Variants in AR observed in about 807,000 individuals in gnomAD.
AR encodes the protein dihydrotestosterone receptor.
AR carries 8 observed loss-of-function variants against 53.9 expected under a neutral mutation model. The observed-to-expected ratio is 0.15, with a 90% CI of 0.09 to 0.27. The LOEUF (loss-of-function observed/expected upper bound fraction) is 0.27. Ranked by LOEUF, AR falls within the 10% of genes least tolerant of loss-of-function variation. The probability of loss-of-function intolerance (pLI) is 1.00; values close to 1 mark genes in which losing one functional copy is unlikely to be tolerated. For synonymous variants in AR, 359 were observed against 316.4 expected (o/e 1.13, Z -1.43); for missense variants, 639 against 742.5 (o/e 0.86, Z 1.62).
intron 1 of AR, among the ~76,000 whole-genome samples, chrX:67,560,288 TC>T (rs1921239037): frequency 9.0e-6 from 1 of 111,149 alleles, no homozygotes; most frequent in Non-Finnish European, 1.9e-5. Flanking sequence ...TCATTCCTTC[TC>T]CCCCCAGTTC....
chrX:67,683,694 A>G (rs1053900003), intron 2 of AR, among the ~76,000 whole-genome samples: 3 of 112,447 alleles, frequency 2.7e-5, no homozygotes, highest in Non-Finnish European at 3.8e-5. Flanking sequence ...GGCCTTGCAC[A>G]TAATAGATTA....
intron 1 of AR, among the ~76,000 whole-genome samples, chrX:67,555,981 G>T (rs1921034356): frequency 8.9e-6 from 1 of 112,323 alleles, no homozygotes; most frequent in Admixed American, 9.4e-5. Flanking sequence ...GCATTTTTTA[G>T]TAATATTTTG....
intron 2 of AR, chrX:67,680,917 G>A: frequency 3.9e-6 from 1 of 253,714 alleles, no homozygotes; most frequent in Non-Finnish European, 7.5e-6. Context: ...TATGAAGAAA[G>A]ACACAGAGCA....
chrX:67,644,006 G>A (rs1334206700), intron 2 of AR, among the ~76,000 whole-genome samples: 1 of 112,039 alleles, frequency 8.9e-6, no homozygotes, highest in Admixed American at 9.5e-5. Context: ...CCTCTCCAGA[G>A]ACCTGATCTC....
intron 1 of AR, among the ~76,000 whole-genome samples, chrX:67,607,385 T>C (rs1923681667): frequency 3.6e-5 from 4 of 112,065 alleles, no homozygotes; most frequent in Admixed American, 1.9e-4. Flanking sequence ...GTCCAGGCCC[T>C]GCTGCTACTA....
chrX:67,721,120 C>T (rs922914397), intron 5 of AR, among the ~76,000 whole-genome samples: 4 of 111,732 alleles, frequency 3.6e-5, no homozygotes, highest in African/African-American at 1.3e-4. Context: ...CATATGTCTA[C>T]AGTTTCCAAA....
At position 67,546,701 on chromosome X, in the gene AR, T is replaced by A. The variant is rs970218775; in HGVS notation, c.1555T>A (p.Cys519Ser). ...CAGAGTGCCCTATCCCAGTCCCACT[T>A]GTGTCAAAAGCGAAATGGGCCCCTG... Reference protein sequence around the residue: ...VSRVPYPSPTCVKSEMGPWMD... With the variant: ...VSRVPYPSPTSVKSEMGPWMD... The change falls in exon 1 of 8, where the codon TGT becomes AGT. Residue 519 changes from cysteine to serine, a missense_variant. By Grantham distance (112) the Cys-to-Ser change is moderately radical. Coordinates refer to ENST00000374690, the MANE Select transcript of AR (RefSeq NM_000044.6). 2 of 1,206,498 alleles carry A rather than the reference T, an allele frequency of 1.7e-6. No homozygotes were observed. The highest frequency in any genetic ancestry group is 3.5e-5 in the African/African-American group (2 of 56,880).
intron 2 of AR, among the ~76,000 whole-genome samples, chrX:67,671,880 T>C (rs2075867590): frequency 8.9e-6 from 1 of 111,809 alleles, no homozygotes; most frequent in South Asian, 3.7e-4. Context: ...TTTGTTTTTG[T>C]CAAGTTTGTC....
At chrX:67,645,848 G>A (rs1170149189) in intron 2 of AR, among the ~76,000 whole-genome samples, 1 of 111,340 alleles carries the variant, frequency 9.0e-6, no homozygotes, top group Admixed American at 9.6e-5. Flanking sequence ...CATTATCCCT[G>A]TTTGAAGGCA....
chrX:67,648,500 A>AT (rs1217648383), intron 2 of AR, among the ~76,000 whole-genome samples: 2 of 111,525 alleles, frequency 1.8e-5, no homozygotes, highest in African/African-American at 6.5e-5. Context: ...GATCTGCCAT[A>AT]TATTACCTCA....
chrX:67,699,036 C>T (rs1463952015), intron 3 of AR, among the ~76,000 whole-genome samples: 1 of 111,828 alleles, frequency 8.9e-6, no homozygotes, highest in Non-Finnish European at 1.9e-5. Flanking sequence ...TTAACGGAGC[C>T]GGGATTTGAA....
chrX:67,668,165 G>T (rs1037525955), intron 2 of AR, among the ~76,000 whole-genome samples: 3 of 111,716 alleles, frequency 2.7e-5, no homozygotes, highest in African/African-American at 9.8e-5. Flanking sequence ...AAGGCCTTCA[G>T]TTTTTCTGAA....
chrX:67,626,613 TA>T (rs1211426456), intron 1 of AR, among the ~76,000 whole-genome samples: 2 of 28,120 alleles, frequency 7.1e-5, no homozygotes, highest in East Asian at 1.9e-3. Context: ...ACTAATTTTA[TA>T]TATATATATA....
intron 4 of AR, 83 bp from the exon 5 acceptor site, chrX:67,717,395 G>A (rs2147530239): frequency 3.5e-6 from 4 of 1,153,961 alleles, no homozygotes; most frequent in South Asian, 3.7e-5. Context: ...GAATACCAGA[G>A]CATCTCTGCC....
intron 7 of AR, among the ~76,000 whole-genome samples, 180 bp from the exon 8 acceptor site, chrX:67,723,506 C>G (rs893262869): frequency 1.6e-5 from 1 of 64,286 alleles, no homozygotes; most frequent in Non-Finnish European, 3.3e-5. Flanking sequence ...CTCTCTCTCT[C>G]GCTGTCTCTC....
At chrX:67,584,673 A>G (rs977994621) in intron 1 of AR, among the ~76,000 whole-genome samples, 28 of 112,220 alleles carry the variant, frequency 2.5e-4, no homozygotes, top group African/African-American at 8.4e-4. Flanking sequence ...ACTGTTGATA[A>G]CCTTTTCTCA....
intron 1 of AR, among the ~76,000 whole-genome samples, chrX:67,573,790 T>C (rs966146363): frequency 8.9e-6 from 1 of 112,057 alleles, no homozygotes. Context: ...AGAGTAAATA[T>C]CAATTTTGAA....
At chrX:67,703,415 G>C (rs1167223489) in intron 3 of AR, among the ~76,000 whole-genome samples, 1 of 111,854 alleles carries the variant, frequency 8.9e-6, no homozygotes, top group Admixed American at 9.5e-5. Flanking sequence ...ACATGGGGAA[G>C]ATGGTTCTTA....
intron 2 of AR, among the ~76,000 whole-genome samples, chrX:67,649,519 T>C (rs1233733784): frequency 8.9e-6 from 1 of 112,054 alleles, no homozygotes; most frequent in Non-Finnish European, 1.9e-5. Context: ...TATTTCTCCA[T>C]ATTCTCTCCA....
Sources: gnomAD v4.1 joint callset for allele counts (sites outside exome capture counted in the v4.1 genomes callset) on GRCh38, gnomAD v4.1.1 for gene constraint, MANE v1.5 for transcripts, NCBI Gene and HGNC (gene_info 2026-07-23, HGNC 2026-07-21) for gene names.